The following LRRC27 variants were observed in gnomAD, a reference collection of about 807,000 sequenced individuals.
The protein encoded by LRRC27 is leucine rich repeat containing 27.
LRRC27 carries 57 observed loss-of-function variants against 55.0 expected under a neutral mutation model. That is an observed-to-expected ratio of 1.04 (90% CI 0.84 to 1.29). The LOEUF is 1.29. Among genes scored for constraint, LRRC27 ranks in the 50% most tolerant of loss-of-function variants. The probability of loss-of-function intolerance (pLI) is 0.00; values close to 1 mark genes in which losing one functional copy is unlikely to be tolerated. For missense variants in LRRC27, 721 were observed against 651.5 expected, an observed-to-expected ratio of 1.11 and a Z score of -1.16; for synonymous variants, 278 against 251.9, an observed-to-expected ratio of 1.10 and a Z score of -0.98.
chr10:132,333,996 C>T (rs2066985651), intron 2 of LRRC27, among the ~76,000 whole-genome samples: 1 of 152,184 alleles, frequency 6.6e-6, no homozygotes, highest in Non-Finnish European at 1.5e-5. Context: ...TCTCTCAAAA[C>T]CTGTGGTAGA....
At chr10:132,340,330 T>C (rs1435376265) in intron 3 of LRRC27, among the ~76,000 whole-genome samples, 1 of 152,194 alleles carries the variant, frequency 6.6e-6, no homozygotes, top group African/African-American at 2.4e-5. Flanking sequence ...TGCTGTACTT[T>C]CAGGTTAATA....
chr10:132,357,151 A>G (rs1283235724), intron 8 of LRRC27, among the ~76,000 whole-genome samples: 1 of 152,214 alleles, frequency 6.6e-6, no homozygotes, highest in East Asian at 1.9e-4. Context: ...GACATCTTAC[A>G]TAACCTCAAA....
In LRRC27 at chr10:132,378,364, A is replaced by G. The variant is rs72863838; in HGVS notation, c.*3122A>G. The stretch of plus-strand genomic sequence containing the variant: ...ACAGAACTCAAATCTGGGAGTTAGC[A>G]TCTTTCATCAGTTTTGGAAAATTCT... On this transcript the variant is annotated 3_prime_UTR_variant, in exon 11 of 11. Transcript: ENST00000368614. 22,056 of 149,156 alleles carry G rather than the reference A, an allele frequency of 0.15. 2,140 individuals are homozygous for G. The highest frequency in any genetic ancestry group is 0.24 in the Middle Eastern group (66 of 280). The allele number at this position is 149,156 out of a possible 1,614,324, so 9.2% of individuals were successfully genotyped here.
At chr10:132,343,189 C>T (rs1374496014) in intron 4 of LRRC27, among the ~76,000 whole-genome samples, 1 of 152,064 alleles carries the variant, frequency 6.6e-6, no homozygotes, top group Non-Finnish European at 1.5e-5. Context: ...GTAGTGCATG[C>T]CTGTGTTCCT....
Position 132,348,150 on chromosome 10 carries a change from G to A in LRRC27, c.720G>A (p.Leu240=). 6.2e-7 allele frequency: 1 copy of A among 1,614,106 alleles called. No homozygotes were observed. The highest frequency in any genetic ancestry group is 8.5e-7 in the Non-Finnish European group (1 of 1,180,038). Residue 240 remains leucine (L), a synonymous_variant, in exon 6 of 11, where the codon CTG becomes CTA. Coordinates refer to ENST00000368614, the MANE Select transcript of LRRC27 (RefSeq NM_030626.3). The surrounding 1 kb of genome is among the most constrained non-coding windows in gnomAD (Gnocchi z 4.2). Reference sequence around the variant, plus strand: ...TCCCACCTGTGGAAAAGCCAGACCTGAGTGAACTCAGGAAGTCTGCGGACT... The same window carrying A: ...TCCCACCTGTGGAAAAGCCAGACCTAAGTGAACTCAGGAAGTCTGCGGACT... The part of the protein sequence containing the change: ...SFLPPVEKPD[L]SELRKSADSS...
chr10:132,355,101 A>G (rs1043023441), intron 7 of LRRC27, among the ~76,000 whole-genome samples: 125 of 152,266 alleles, frequency 8.2e-4, no homozygotes, highest in African/African-American at 2.9e-3. Flanking sequence ...TTTTTGAGAC[A>G]GTCTTGCTCC....
chr10:132,361,208 CT>C (rs199649987), intron 8 of LRRC27, among the ~76,000 whole-genome samples: 2,198 of 152,352 alleles, frequency 0.014, 44 homozygotes, highest in South Asian at 0.048. Context: ...CACTCTGCAT[CT>C]TTACCTCCTA....
intron 2 of LRRC27, chr10:132,336,819 A>G (rs752352383): frequency 2.6e-6 from 2 of 763,726 alleles, no homozygotes; most frequent in South Asian, 1.4e-5. Context: ...ATATAAATAC[A>G]TATAATAATG....
Position 132,374,531 on chromosome 10 carries a change from TG to T in LRRC27, c.1417-533del, listed in dbSNP as rs1232534221. 2.0e-5 allele frequency among the ~76,000 whole-genome samples: 3 copies of T among 152,212 alleles called. No homozygotes were observed. Among genetic ancestry groups the T allele is most frequent in the Non-Finnish European group, 4.4e-5 (3 of 68,030 alleles). On this transcript the variant is annotated intron_variant, in intron 10 of 10. Transcript: ENST00000368614. This position sits in a 1 kb window ranked among gnomAD's most constrained non-coding sequence, Gnocchi z 4.4. ...AGGTTTGGAACAGAAAGCCTGCCCC[TG>T]GTTTCACGCTCAGCAAGTTCCTTCT...
chr10:132,366,739 G>C (rs1043031688), intron 10 of LRRC27: 3 of 849,304 alleles, frequency 3.5e-6, no homozygotes, highest in South Asian at 2.0e-5. Flanking sequence ...GCTGCCCCCA[G>C]AGCACGCAGC....
intron 1 of LRRC27, among the ~76,000 whole-genome samples, chr10:132,332,714 C>T (rs577372348): frequency 3.3e-5 from 5 of 151,730 alleles, no homozygotes; most frequent in Non-Finnish European, 5.9e-5. Flanking sequence ...CCTGCTGGGT[C>T]CCGGTGTCGC....
chr10:132,361,518 C>A lies in LRRC27; in HGVS notation c.1232C>A (p.Pro411Gln). The A allele has an allele frequency of 6.2e-7, 1 of 1,613,890 alleles. No individual in the cohort carries two copies. The change falls in exon 9 of 11, where the codon CCG becomes CAG. Residue 411 changes from proline (P) to glutamine (Q), a missense_variant. Transcript: ENST00000368614. ...LIDNRKVPLN[P>Q]PGKMKPSKEK... is the part of the protein sequence containing the mutation. ...GATAACAGGAAAGTACCACTGAATC[C>A]GCCTGGAAAAATGAAACCAAGCAAA...
intron 3 of LRRC27, among the ~76,000 whole-genome samples, 185 bp downstream of exon 3, chr10:132,337,880 G>A (rs2067211144): frequency 6.6e-6 from 1 of 152,188 alleles, no homozygotes; most frequent in Admixed American, 6.5e-5. Context: ...CTATAACTTG[G>A]GATATTTGGT....
chr10:132,333,175 C>G (rs1280223747), intron 1 of LRRC27, among the ~76,000 whole-genome samples: 2 of 152,180 alleles, frequency 1.3e-5, no homozygotes, highest in East Asian at 1.9e-4. Flanking sequence ...GATTTACAGG[C>G]TTTGAAATGT....
intron 7 of LRRC27, among the ~76,000 whole-genome samples, chr10:132,354,409 C>G (rs1417056137): frequency 6.6e-6 from 1 of 152,170 alleles, no homozygotes; most frequent in Admixed American, 6.5e-5. Context: ...GACAGTGACA[C>G]TAAGTGGAGG....
chr10:132,360,772 C>T (rs1017280236), intron 8 of LRRC27, among the ~76,000 whole-genome samples: 2 of 152,210 alleles, frequency 1.3e-5, no homozygotes, highest in East Asian at 3.9e-4. Flanking sequence ...ATTGCAGTAG[C>T]CCCTGGTTGG....
chr10:132,356,188 C>A, intron 8 of LRRC27, among the ~76,000 whole-genome samples: 1 of 152,210 alleles, frequency 6.6e-6, no homozygotes, highest in East Asian at 1.9e-4. Context: ...CTTTTGGCTC[C>A]TGTCTGGGGA....
Position 132,379,583 on chromosome 10 carries a change from A to C in LRRC27, c.*4341A>C, listed in dbSNP as rs2069385872. On this transcript the variant is annotated 3_prime_UTR_variant, in exon 11 of 11. Transcript: ENST00000368614. ...TCATCATTATAATGATTTTTTTTTA[A>C]TAAGTGTTTTCTTTCAGTTTTAAAT... 6.6e-6 allele frequency: 1 copy of C among 151,910 alleles called. No homozygotes were observed. The highest frequency in any genetic ancestry group is 1.5e-5 in the Non-Finnish European group (1 of 68,008). The allele number at this position is 151,910 out of a possible 1,614,324, so 9.4% of individuals were successfully genotyped here.
In LRRC27 at chr10:132,348,322, GAGAA is replaced by G; in HGVS notation, c.897_900del (p.Lys299AsnfsTer53). 1 of 1,613,648 alleles carries G rather than the reference GAGAA, an allele frequency of 6.2e-7. No individual in the cohort carries two copies. The highest frequency in any genetic ancestry group is 8.5e-7 in the Non-Finnish European group (1 of 1,179,740). On this transcript the variant is annotated frameshift_variant, in exon 6 of 11. Transcript: ENST00000368614. LOFTEE classifies it high-confidence loss of function. This position sits in a 1 kb window ranked among gnomAD's most constrained non-coding sequence, Gnocchi z 4.2. ...AAATCTCAAGGCGGCCTTGAACATT[GAGAA>G]AGAACTACCAAAGCCAAGACACGTT...
Sources: gnomAD v4.1 joint callset for allele counts (sites outside exome capture counted in the v4.1 genomes callset) on GRCh38, gnomAD v4.1.1 for gene constraint, Gnocchi (gnomAD v3.1) non-coding constraint, MANE v1.5 for transcripts, NCBI Gene and HGNC (gene_info 2026-07-23, HGNC 2026-07-21) for gene names.